GFOD1: variants seen among roughly 807,000 people sequenced by gnomAD.
The protein encoded by GFOD1 is glucose-fructose oxidoreductase domain-containing protein 1.
Under a neutral mutation model 25.4 loss-of-function variants are expected in GFOD1, and 9 were observed. The ratio of observed to expected loss-of-function variants is 0.35; its 90% CI spans 0.21 to 0.62. The LOEUF (loss-of-function observed/expected upper bound fraction) is 0.62, where lower values mean the gene tolerates loss of function less well. Ranked by LOEUF, GFOD1 falls within the 20% of genes least tolerant of loss-of-function variation. The probability of loss-of-function intolerance (pLI) is 0.72; values close to 1 mark genes in which losing one functional copy is unlikely to be tolerated. For missense variants in GFOD1, 403 were observed against 556.9 expected, an observed-to-expected ratio of 0.72 and a Z score of 2.78; for synonymous variants, 253 against 245.6, an observed-to-expected ratio of 1.03 and a Z score of -0.28.
Position 13,417,404 on chromosome 6 carries a change from C to T in GFOD1, c.254-51742G>A, listed in dbSNP as rs547577330. Among the ~76,000 whole-genome samples the T allele has an allele frequency of 1.9e-3, 295 of 152,344 alleles. 1 individual carries two copies. Among genetic ancestry groups the T allele is most frequent in the African/African-American group, 6.9e-3 (288 of 41,578 alleles). ...TCCTGACCTCGTGATCTGCCTGTCT[C>T]GGCCTCCCAAAGTGCTGGGATTACA... is the stretch of plus-strand genomic sequence containing the variant. On this transcript the variant is annotated intron_variant, in intron 1 of 1. Transcript: ENST00000379287.
rs1217204104 is a variant in GFOD1, at chr6:13,365,732, C to A, written c.254-70G>T. The A allele has an allele frequency of 1.0e-5, 11 of 1,099,184 alleles. No homozygotes were observed. In the East Asian group the frequency reaches 2.6e-4, roughly 26 times the overall value. The allele number at this position is 1,099,184 out of a possible 1,614,324, so 68.1% of individuals were successfully genotyped here. On this transcript the variant is annotated intron_variant, in intron 1 of 1. Transcript: ENST00000379287. This position sits in a 1 kb window ranked among gnomAD's most constrained non-coding sequence, Gnocchi z 9.2. ...CCGAGCGCGCGTCCCTGGGTCAGAT[C>A]TTAAAATATTTCACATTAATAGAAA...
chr6:13,407,591 C>T (rs560190069), intron 1 of GFOD1, among the ~76,000 whole-genome samples: 1 of 152,106 alleles, frequency 6.6e-6, no homozygotes, highest in African/African-American at 2.4e-5. Flanking sequence ...TTCAAAACAC[C>T]CTGTTACAAT....
At chr6:13,393,870 C>G (rs540173273) in intron 1 of GFOD1, among the ~76,000 whole-genome samples, 97 of 150,762 alleles carry the variant, frequency 6.4e-4, no homozygotes, top group Middle Eastern at 3.4e-3. Flanking sequence ...AGCTCCGCCT[C>G]CCGGGTTCGG....
intron 1 of GFOD1, among the ~76,000 whole-genome samples, chr6:13,463,691 G>A (rs962590370): frequency 6.6e-6 from 1 of 152,130 alleles, no homozygotes; most frequent in Non-Finnish European, 1.5e-5. Flanking sequence ...AATGAAACAA[G>A]GGTAAGCATC....
chr6:13,370,634 A>T (rs1451014687), intron 1 of GFOD1, among the ~76,000 whole-genome samples: 1 of 152,124 alleles, frequency 6.6e-6, no homozygotes, highest in Non-Finnish European at 1.5e-5. Context: ...CTTCGCTATC[A>T]AAAGGTTCTT....
chr6:13,407,901 T>G (rs1175230403), intron 1 of GFOD1: 3 of 873,424 alleles, frequency 3.4e-6, no homozygotes, highest in Non-Finnish European at 4.0e-6. Context: ...CCCTCCTCCC[T>G]GTACTCACCC....
At chr6:13,477,887 G>A (rs755475784) in intron 1 of GFOD1, among the ~76,000 whole-genome samples, 2 of 151,588 alleles carry the variant, frequency 1.3e-5, no homozygotes, top group East Asian at 2.0e-4. Context: ...CCAACATGGC[G>A]ACCCCATCTC....
rs1167919236 is a variant in GFOD1 at position 13,358,837 on chromosome 6, A to G, written c.*5906T>C. The G allele has an allele frequency of 6.6e-6, 1 of 152,314 alleles. No individual in the cohort carries two copies. Among genetic ancestry groups the G allele is most frequent in the Middle Eastern group, 3.2e-3 (1 of 316 alleles). The allele number at this position is 152,314 out of a possible 1,614,324, so 9.4% of individuals were successfully genotyped here. A position where few individuals can be genotyped will look rare whatever the true frequency, so the allele number is the denominator to read the frequency against. On this transcript the variant is annotated 3_prime_UTR_variant, in exon 2 of 2. Coordinates refer to ENST00000379287, the MANE Select transcript of GFOD1 (RefSeq NM_018988.4). ...ACTAAGCATCAAGCCATTGCATATA[A>G]TATGTTCTTTTCATGACTCTATTCA... is the stretch of plus-strand genomic sequence containing the variant.
At chr6:13,372,168 G>A (rs1434034519) in intron 1 of GFOD1, among the ~76,000 whole-genome samples, 3 of 152,216 alleles carry the variant, frequency 2.0e-5, no homozygotes, top group South Asian at 4.1e-4. Flanking sequence ...CTATGTTGCC[G>A]TGCTGTAATT....
At chr6:13,455,625 A>C (rs529016595) in intron 1 of GFOD1, among the ~76,000 whole-genome samples, 3 of 152,210 alleles carry the variant, frequency 2.0e-5, no homozygotes, top group Admixed American at 1.3e-4. Context: ...AGCACCCCAC[A>C]TGGGCCAACT....
intron 1 of GFOD1, among the ~76,000 whole-genome samples, chr6:13,435,109 C>T (rs1757812994): frequency 6.6e-6 from 1 of 152,226 alleles, no homozygotes; most frequent in Non-Finnish European, 1.5e-5. Context: ...GGTTTGGGGA[C>T]TGCAGCCTTG....
chr6:13,440,129 AG>A (rs773391785), intron 1 of GFOD1, among the ~76,000 whole-genome samples: 3 of 152,190 alleles, frequency 2.0e-5, no homozygotes, highest in Non-Finnish European at 4.4e-5. Flanking sequence ...CTAGCATTCC[AG>A]GCTGTTCAGT....
chr6:13,437,262 GC>G (rs1416100621), intron 1 of GFOD1, among the ~76,000 whole-genome samples: 1 of 152,090 alleles, frequency 6.6e-6, no homozygotes, highest in Non-Finnish European at 1.5e-5. Flanking sequence ...GACACACCAA[GC>G]CTCGCTGAAG....
chr6:13,484,776 G>T (rs1187383974), intron 1 of GFOD1, among the ~76,000 whole-genome samples: 2 of 152,176 alleles, frequency 1.3e-5, no homozygotes, highest in African/African-American at 2.4e-5. Context: ...GGTCATCCTT[G>T]TTCCCCAAAT....
chr6:13,401,049 T>A (rs1785831151), intron 1 of GFOD1, among the ~76,000 whole-genome samples: 2 of 152,148 alleles, frequency 1.3e-5, no homozygotes, highest in Non-Finnish European at 2.9e-5. Context: ...AGACCATAAG[T>A]CTATGTTTCA....
At chr6:13,392,429 A>T (rs1246240973) in intron 1 of GFOD1, among the ~76,000 whole-genome samples, 5 of 151,704 alleles carry the variant, frequency 3.3e-5, no homozygotes, top group Non-Finnish European at 5.9e-5. Flanking sequence ...CGACTCCTCC[A>T]CCAAAAAATA....
intron 1 of GFOD1, among the ~76,000 whole-genome samples, chr6:13,399,528 T>C (rs1785802363): frequency 6.6e-6 from 1 of 152,186 alleles, no homozygotes; most frequent in Non-Finnish European, 1.5e-5. Flanking sequence ...CTTCATAAAA[T>C]AGAATACTAC....
chr6:13,471,829 G>A (rs1758512459), intron 1 of GFOD1, among the ~76,000 whole-genome samples: 1 of 152,196 alleles, frequency 6.6e-6, no homozygotes, highest in Middle Eastern at 3.2e-3. Context: ...ATGTTGCATG[G>A]TCCAATATGG....
chr6:13,387,158 C>A (rs564837429), intron 1 of GFOD1, among the ~76,000 whole-genome samples: 2 of 152,174 alleles, frequency 1.3e-5, no homozygotes, highest in African/African-American at 2.4e-5. Flanking sequence ...AGAGGCTTCT[C>A]TAATGCAGCA....
Sources: allele counts gnomAD v4.1 joint callset (sites outside exome capture counted in the v4.1 genomes callset), GRCh38; gene constraint gnomAD v4.1.1; non-coding constraint Gnocchi (gnomAD v3.1); transcripts MANE v1.5; gene names NCBI Gene and HGNC (gene_info 2026-07-23, HGNC 2026-07-21).